ERC1: variants seen among roughly 807,000 people sequenced by gnomAD.
ERC1 encodes ELKS/RAB6-interacting/CAST family member 1, also known as RAB6 interacting protein 2.
In ERC1, 56 loss-of-function variants were observed where a neutral mutation model predicts 132.0. The ratio of observed to expected loss-of-function variants is 0.42; its 90% CI spans 0.34 to 0.53. ERC1 has a LOEUF of 0.53. ERC1 is among the 20% of genes least tolerant of loss of function. The probability of loss-of-function intolerance (pLI) is 0.03; values close to 1 mark genes in which losing one functional copy is unlikely to be tolerated. For missense variants in ERC1, 1,202 were observed against 1,349.9 expected, an observed-to-expected ratio of 0.89 and a Z score of 1.72; for synonymous variants, 478 against 476.1, an observed-to-expected ratio of 1.00 and a Z score of -0.05.
In ERC1 at chr12:1,236,363, T is replaced by C. The variant is rs377619723; in HGVS notation, c.2352-406T>C. Among the ~76,000 whole-genome samples, 15 of 152,346 alleles carry C rather than the reference T, an allele frequency of 9.8e-5. No individual in the cohort carries two copies. In the South Asian group the frequency reaches 3.1e-3, roughly 32 times the overall value. On this transcript the variant is annotated intron_variant, in intron 12 of 18. Transcript: ENST00000360905. ...TGTATTGAATGTTTGAAATATTTAATAATGGTAAAATTAGAGTTGTTTTAC... is the reference window on the plus strand; with the variant it reads ...TGTATTGAATGTTTGAAATATTTAACAATGGTAAAATTAGAGTTGTTTTAC...
chr12:1,256,417 C>G (rs1236322616), intron 13 of ERC1, among the ~76,000 whole-genome samples: 1 of 110,658 alleles, frequency 9.0e-6, no homozygotes, highest in African/African-American at 3.6e-5. Context: ...CGTTCTCAGA[C>G]TAAAAAAAAA....
In ERC1 at chr12:1,195,984, G is replaced by T. The variant is rs575907371; in HGVS notation, c.2351+5932G>T. ...TGCTGAAAGCTGGGACAACACACGG[G>T]CCCTGACCAAATTGGGGTTTCTTTG... On this transcript the variant is annotated intron_variant, in intron 12 of 18. Coordinates refer to ENST00000360905, the MANE Select transcript of ERC1 (RefSeq NM_178040.4). Among the ~76,000 whole-genome samples, 121 of 150,730 alleles carry T rather than the reference G, an allele frequency of 8.0e-4. 1 individual carries two copies. The highest frequency in any genetic ancestry group is 6.0e-4 in the Non-Finnish European group (41 of 67,874).
At chr12:1,394,712 C>T (rs1041467806) in intron 16 of ERC1, among the ~76,000 whole-genome samples, 1 of 152,214 alleles carries the variant, frequency 6.6e-6, no homozygotes, top group Non-Finnish European at 1.5e-5. Flanking sequence ...GTGCTTGCTT[C>T]CCTTTCACCT....
chr12:1,301,116 A>G (rs1441992865), intron 15 of ERC1, among the ~76,000 whole-genome samples: 1 of 151,826 alleles, frequency 6.6e-6, no homozygotes, highest in African/African-American at 2.4e-5. Flanking sequence ...TTATGTTCTC[A>G]CTTATAAGTG....
At chr12:1,377,724 A>G (rs938918143) in intron 16 of ERC1, among the ~76,000 whole-genome samples, 2 of 152,168 alleles carry the variant, frequency 1.3e-5, no homozygotes, top group Admixed American at 1.3e-4. Context: ...GGAAAAGGCT[A>G]CTGTCTATTA....
In ERC1 at chr12:1,454,558, AC is replaced by A. The variant is rs139722146; in HGVS notation, c.3213+9811del. 1.4e-4 allele frequency among the ~76,000 whole-genome samples: 22 copies of A among 152,196 alleles called. No homozygotes were observed. In the East Asian group the frequency reaches 3.7e-3, roughly 25 times the overall value. ...TAGTGTCAGAATTAAATTCTAGGACACCCGGTTGGCGTCTGCTGGAGAATCT... is the reference window on the plus strand; with the variant it reads ...TAGTGTCAGAATTAAATTCTAGGACACCGGTTGGCGTCTGCTGGAGAATCT... On this transcript the variant is annotated intron_variant, in intron 18 of 18. Coordinates refer to ENST00000360905, the MANE Select transcript of ERC1 (RefSeq NM_178040.4).
chr12:1,109,938 C>G (rs1301869544), intron 4 of ERC1, among the ~76,000 whole-genome samples: 1 of 152,172 alleles, frequency 6.6e-6, no homozygotes, highest in Non-Finnish European at 1.5e-5. Flanking sequence ...ATCCCAGCTA[C>G]TTGGGAGGCT....
chr12:1,275,924 G>A (rs79510417), intron 14 of ERC1, among the ~76,000 whole-genome samples: 5,984 of 152,176 alleles, frequency 0.039, 180 homozygotes, highest in East Asian at 0.072. Context: ...GACACTTACT[G>A]ATTACCTACT....
chr12:990,372 A>C (rs1959170050), upstream of ERC1: 2 of 152,076 alleles, frequency 1.3e-5, no homozygotes, highest in Non-Finnish European at 2.9e-5. Flanking sequence ...AAAACAAAAA[A>C]CAAAAAACAA....
chr12:1,038,374 T>C (rs1342170188), intron 2 of ERC1, among the ~76,000 whole-genome samples: 1 of 152,038 alleles, frequency 6.6e-6, no homozygotes, highest in Non-Finnish European at 1.5e-5. Context: ...TTTTCTTTTT[T>C]TTTTTGAGAC....
intron 2 of ERC1, among the ~76,000 whole-genome samples, chr12:1,079,142 T>A (rs552409778): frequency 7.4e-6 from 1 of 135,166 alleles, no homozygotes; most frequent in Non-Finnish European, 1.7e-5. Context: ...ATTTGTAATA[T>A]GACAAGTCGA....
intron 16 of ERC1, among the ~76,000 whole-genome samples, chr12:1,404,871 G>A (rs1263573830): frequency 2.6e-5 from 4 of 152,152 alleles, no homozygotes; most frequent in African/African-American, 9.7e-5. Context: ...GGGCGCAGTG[G>A]CTCATGCCTG....
At chr12:1,192,084 C>A (rs996876027) in intron 12 of ERC1, among the ~76,000 whole-genome samples, 1 of 152,180 alleles carries the variant, frequency 6.6e-6, no homozygotes, top group Non-Finnish European at 1.5e-5. Context: ...AATTCCAGAT[C>A]AATTTTCTTT....
chr12:1,230,221 A>ACC (rs1275306292), intron 12 of ERC1, among the ~76,000 whole-genome samples: 1 of 151,354 alleles, frequency 6.6e-6, no homozygotes, highest in East Asian at 1.9e-4. Flanking sequence ...CTAGTCTCAA[A>ACC]CCCCTGACCT....
intron 8 of ERC1, among the ~76,000 whole-genome samples, chr12:1,162,659 G>A (rs1322814740): frequency 1.3e-5 from 2 of 151,684 alleles, no homozygotes; most frequent in Non-Finnish European, 2.9e-5. Context: ...AGGAGAGTAA[G>A]GTTGTTGTTT....
chr12:1,164,257 T>TG (rs1952149994), intron 8 of ERC1, among the ~76,000 whole-genome samples: 1 of 151,002 alleles, frequency 6.6e-6, no homozygotes, highest in Non-Finnish European at 1.5e-5. Context: ...TTTTATTTTA[T>TG]TTTATTTTAT....
intron 18 of ERC1, among the ~76,000 whole-genome samples, chr12:1,453,017 T>C (rs999071578): frequency 2.0e-5 from 3 of 152,188 alleles, no homozygotes; most frequent in African/African-American, 7.2e-5. Flanking sequence ...GCTTTCAGCA[T>C]GTCCTTCATG....
intron 12 of ERC1, among the ~76,000 whole-genome samples, chr12:1,211,225 C>T (rs997965873): frequency 1.3e-5 from 2 of 150,546 alleles, no homozygotes; most frequent in African/African-American, 4.9e-5. Context: ...CTCGGCTTAC[C>T]GCAACCTCCG....
intron 2 of ERC1, among the ~76,000 whole-genome samples, chr12:1,062,134 C>T (rs1278553115): frequency 6.6e-6 from 1 of 151,718 alleles, no homozygotes; most frequent in South Asian, 2.1e-4. Flanking sequence ...CAGGCACCCA[C>T]CAGCACGCCT....
Sources: gnomAD v4.1 joint callset for allele counts (sites outside exome capture counted in the v4.1 genomes callset) on GRCh38, gnomAD v4.1.1 for gene constraint, MANE v1.5 for transcripts, NCBI Gene and HGNC (gene_info 2026-07-23, HGNC 2026-07-21) for gene names.